The following NOSTRIN variants were observed in gnomAD, a reference collection of about 807,000 sequenced individuals.
The protein encoded by NOSTRIN is BM247 homolog.
NOSTRIN carries 63 observed loss-of-function variants against 59.0 expected under a neutral mutation model. That is an observed-to-expected ratio of 1.07 (90% CI 0.87 to 1.32). NOSTRIN has a LOEUF of 1.32. Among genes scored for constraint, NOSTRIN ranks in the 40% most tolerant of loss-of-function variants. NOSTRIN has a pLI of 0.00. For synonymous variants in NOSTRIN, 200 were observed against 165.4 expected, an observed-to-expected ratio of 1.21 and a Z score of -1.61; for missense variants, 512 against 473.1, an observed-to-expected ratio of 1.08 and a Z score of -0.76.
Position 168,817,289 on chromosome 2 carries a change from CAG to C in NOSTRIN, c.113+5640_113+5641del, listed in dbSNP as rs148080655. Among the ~76,000 whole-genome samples the C allele has an allele frequency of 5.6e-3, 850 of 152,300 alleles. 9 individuals carry two copies. Among genetic ancestry groups the C allele is most frequent in the African/African-American group, 0.018 (762 of 41,556 alleles). On this transcript the variant is annotated intron_variant, in intron 2 of 15. Coordinates refer to ENST00000317647, the MANE Select transcript of NOSTRIN (RefSeq NM_001039724.4). ...GGGAGTCCTGGTTCAGCCTCCTTTG[CAG>C]AGTCTTAGGGTCCTCTATGGAAAGG...
intron 15 of NOSTRIN, among the ~76,000 whole-genome samples, chr2:168,862,756 CTTCT>C (rs1689545378): frequency 1.3e-5 from 2 of 151,666 alleles, no homozygotes; most frequent in African/African-American, 4.8e-5. Flanking sequence ...CAGCCTCAAC[CTTCT>C]TTATGTGTCC....
At chr2:168,863,472 A>C (rs187350099) in intron 15 of NOSTRIN, 2 of 985,302 alleles carry the variant, frequency 2.0e-6, no homozygotes, top group East Asian at 2.3e-4. Flanking sequence ...TGACGGGGGC[A>C]GATGATCCTG....
In NOSTRIN at chr2:168,860,837, A is replaced by G; in HGVS notation, c.1222A>G (p.Met408Val). ...SYVKISRPFL[M>V]KRLENIVSKA... ...TGTGAAAATATCTCGGCCTTTTTTA[A>G]TGAAGAGATTAGAGAATATTGTGAG... The change falls in exon 14 of 16, where the codon ATG becomes GTG. Residue 408 changes from methionine (M) to valine (V), a missense_variant. Transcript: ENST00000317647. The G allele has an allele frequency of 6.2e-7, 1 of 1,614,014 alleles. No individual in the cohort carries two copies. Among genetic ancestry groups the G allele is most frequent in the Non-Finnish European group, 8.5e-7 (1 of 1,179,910 alleles).
At chr2:168,786,579 A>G (rs1004893169) in exon 1 of NOSTRIN, 3 of 152,178 alleles carry the variant, frequency 2.0e-5, no homozygotes, top group African/African-American at 7.2e-5. Flanking sequence ...GGCACTGGGC[A>G]TGCAGACAGC....
At chr2:168,802,585 T>C, upstream of NOSTRIN, 1 of 852,012 alleles carries the variant, frequency 1.2e-6, no homozygotes, top group African/African-American at 1.6e-5. Flanking sequence ...CACCCAACCT[T>C]GATTACAGTG....
chr2:168,862,989 A>T (rs1336025490), intron 15 of NOSTRIN, among the ~76,000 whole-genome samples: 1 of 147,854 alleles, frequency 6.8e-6, no homozygotes, highest in African/African-American at 2.6e-5. Context: ...TGCCAGTCAT[A>T]TCTCTCCAGG....
At position 168,865,075 on chromosome 2, in the gene NOSTRIN, G is replaced by A. The variant is rs1689781365; in HGVS notation, c.*105G>A. ...CCTTTACATGTTTTTCTTTTGAAAT[G>A]GATGGAGTTCTACCTGCATGTCACA... On this transcript the variant is annotated 3_prime_UTR_variant, in exon 16 of 16. Coordinates refer to ENST00000317647, the MANE Select transcript of NOSTRIN (RefSeq NM_001039724.4). 1.6e-6 allele frequency: 2 copies of A among 1,260,030 alleles called. No individual in the cohort carries two copies. Among genetic ancestry groups the A allele is most frequent in the South Asian group, 2.8e-5 (2 of 70,444 alleles). 78.1% of individuals were successfully genotyped at this position (1,260,030 alleles called of 1,614,324 possible). A position where few individuals can be genotyped will look rare whatever the true frequency, so the allele number is the denominator to read the frequency against.
intron 8 of NOSTRIN, among the ~76,000 whole-genome samples, chr2:168,849,727 A>G (rs1482748507): frequency 6.7e-6 from 1 of 148,572 alleles, no homozygotes; most frequent in Non-Finnish European, 1.5e-5. Context: ...TGCCATCTCC[A>G]TCAAAGCCCA....
intron 7 of NOSTRIN, among the ~76,000 whole-genome samples, chr2:168,840,971 G>A (rs1002680200): frequency 1.3e-5 from 2 of 151,974 alleles, no homozygotes; most frequent in Non-Finnish European, 2.9e-5. Flanking sequence ...TTGGAGAATC[G>A]GCTGGGTGCG....
In NOSTRIN at chr2:168,812,057, G is replaced by A. The variant is rs115635726; in HGVS notation, c.113+405G>A. 235 of 153,946 alleles carry A rather than the reference G, an allele frequency of 1.5e-3. 1 individual carries two copies. The highest frequency in any genetic ancestry group is 2.5e-3 in the Non-Finnish European group (174 of 69,270). 9.5% of individuals were successfully genotyped at this position (153,946 alleles called of 1,614,324 possible). On this transcript the variant is annotated intron_variant, in intron 2 of 15. Transcript: ENST00000317647. ...TTGTATGCTGACCTCTTAGAGCCTG[G>A]CCTTTTGATTTCCTTAGTCACTGTC... is the stretch of plus-strand genomic sequence containing the variant.
intron 2 of NOSTRIN, among the ~76,000 whole-genome samples, chr2:168,821,673 G>A (rs1462906649): frequency 3.9e-5 from 6 of 152,260 alleles, no homozygotes; most frequent in Admixed American, 6.5e-5. Context: ...GCAAACCTCT[G>A]AGGCAGTGAT....
intron 7 of NOSTRIN, among the ~76,000 whole-genome samples, 192 bp downstream of exon 7, chr2:168,834,517 A>ACGCG (rs1469301503): frequency 2.2e-4 from 28 of 129,188 alleles, no homozygotes; most frequent in Admixed American, 1.1e-3. Context: ...GCACACACAC[A>ACGCG]CACACACACA....
At chr2:168,791,976 T>C (rs1685367147) in intron 2 of NOSTRIN, among the ~76,000 whole-genome samples, 1 of 152,108 alleles carries the variant, frequency 6.6e-6, no homozygotes. Flanking sequence ...GTGCAGAAGC[T>C]CTTGAGTTTA....
chr2:168,791,291 T>C (rs1027814067), intron 2 of NOSTRIN, among the ~76,000 whole-genome samples: 2 of 152,166 alleles, frequency 1.3e-5, no homozygotes, highest in African/African-American at 4.8e-5. Flanking sequence ...TGGTTTCCAG[T>C]TTCATCCATG....
intron 1 of NOSTRIN, among the ~76,000 whole-genome samples, chr2:168,803,031 C>A (rs1259936509): frequency 6.6e-6 from 1 of 152,178 alleles, no homozygotes; most frequent in East Asian, 1.9e-4. Context: ...CACAGAATGT[C>A]TGCAGCCAAT....
intron 1 of NOSTRIN, among the ~76,000 whole-genome samples, chr2:168,809,003 T>A (rs2105540705): frequency 6.6e-6 from 1 of 152,310 alleles, no homozygotes; most frequent in South Asian, 2.1e-4. Flanking sequence ...ATTTTCTGTA[T>A]CATTATGTTA....
At chr2:168,857,072 A>C (rs1689175231) in intron 12 of NOSTRIN, among the ~76,000 whole-genome samples, 1 of 152,238 alleles carries the variant, frequency 6.6e-6, no homozygotes, top group African/African-American at 2.4e-5. Flanking sequence ...AACCCAGTTA[A>C]GAAAAGCGAC....
At chr2:168,816,599 C>G (rs1397613170) in intron 2 of NOSTRIN, among the ~76,000 whole-genome samples, 1 of 152,232 alleles carries the variant, frequency 6.6e-6, no homozygotes, top group Non-Finnish European at 1.5e-5. Flanking sequence ...TCAACACATT[C>G]TTTAAGATCC....
chr2:168,798,231 T>C (rs962118717), upstream of NOSTRIN: 1 of 152,234 alleles, frequency 6.6e-6, no homozygotes, highest in African/African-American at 2.4e-5. Flanking sequence ...TGGTATGTCC[T>C]TTAAATGTGG....
Sources: gnomAD v4.1 joint callset for allele counts (sites outside exome capture counted in the v4.1 genomes callset) on GRCh38, gnomAD v4.1.1 for gene constraint, MANE v1.5 for transcripts, NCBI Gene and HGNC (gene_info 2026-07-23, HGNC 2026-07-21) for gene names.